SLC18A1: variants seen among roughly 807,000 people sequenced by gnomAD.
SLC18A1 encodes the protein chromaffin granule amine transporter.
SLC18A1 carries 69 observed loss-of-function variants against 53.7 expected under a neutral mutation model. That is an observed-to-expected ratio of 1.28 (90% CI 1.06 to 1.57). SLC18A1 has a LOEUF of 1.57. Among genes scored for constraint, SLC18A1 ranks in the 40% most tolerant of loss-of-function variants. The pLI, the probability that SLC18A1 is intolerant of heterozygous loss-of-function variation, is 0.00. For missense variants in SLC18A1, 932 were observed against 668.1 expected, an observed-to-expected ratio of 1.40 and a Z score of -4.35; for synonymous variants, 320 against 248.1, an observed-to-expected ratio of 1.29 and a Z score of -2.72.
intron 1 of SLC18A1, among the ~76,000 whole-genome samples, 186 bp from the exon 2 acceptor site, chr8:20,181,273 T>C (rs912307363): frequency 6.6e-6 from 1 of 152,200 alleles, no homozygotes; most frequent in Non-Finnish European, 1.5e-5. Flanking sequence ...TTAATTTCCC[T>C]TGAATTTAAT....
At chr8:20,161,978 G>A (rs1351456369) in intron 10 of SLC18A1, among the ~76,000 whole-genome samples, 1 of 152,162 alleles carries the variant, frequency 6.6e-6, no homozygotes, top group African/African-American at 2.4e-5. Context: ...TTAGGTGGAA[G>A]AAGTCATGCA....
intron 2 of SLC18A1, 138 bp downstream of exon 2, chr8:20,180,703 C>T: frequency 9.2e-7 from 1 of 1,085,996 alleles, no homozygotes; most frequent in South Asian, 1.6e-5. Flanking sequence ...TTTTTCCAGT[C>T]CCCAACAACC....
At chr8:20,176,689 A>C (rs999734779) in intron 4 of SLC18A1, among the ~76,000 whole-genome samples, 15 of 152,338 alleles carry the variant, frequency 9.8e-5, no homozygotes, top group African/African-American at 3.6e-4. Context: ...AGGATACCCT[A>C]AACATCAAAT....
At chr8:20,178,576 G>A (rs1044090433) in intron 3 of SLC18A1, 83 bp from the exon 4 acceptor site, 4 of 1,015,004 alleles carry the variant, frequency 3.9e-6, no homozygotes, top group Non-Finnish European at 1.5e-6. Context: ...GTAAGTGGGA[G>A]CAGAAATGCA....
intron 10 of SLC18A1, among the ~76,000 whole-genome samples, chr8:20,162,347 G>A (rs1490484178): frequency 6.6e-6 from 1 of 152,086 alleles, no homozygotes; most frequent in Non-Finnish European, 1.5e-5. Flanking sequence ...ATCACTTTAG[G>A]TTGCTTGGCC....
At chr8:20,182,078 T>G (rs1293627965) in intron 1 of SLC18A1, 3 of 152,220 alleles carry the variant, frequency 2.0e-5, no homozygotes, top group Non-Finnish European at 4.4e-5. Flanking sequence ...AGAATTTCAT[T>G]TTCTTTGACG....
At chr8:20,167,058 T>C (rs1005815793) in intron 8 of SLC18A1, among the ~76,000 whole-genome samples, 1 of 151,868 alleles carries the variant, frequency 6.6e-6, no homozygotes, top group African/African-American at 2.4e-5. Context: ...ACCCAATCTG[T>C]AGTATTTTGT....
At chr8:20,166,278 T>G (rs1373176897) in intron 8 of SLC18A1, among the ~76,000 whole-genome samples, 2 of 95,354 alleles carry the variant, frequency 2.1e-5, no homozygotes, top group Non-Finnish European at 4.2e-5. Flanking sequence ...TGTGTGTGGG[T>G]GTGTGTGTGT....
rs878885459 is a variant in SLC18A1, at chr8:20,149,605, TC to T, written c.1146+70del. 5,918 of 1,227,554 alleles carry T rather than the reference TC, an allele frequency of 4.8e-3. 207 individuals are homozygous for T. In the African/African-American group the frequency reaches 0.081, roughly 17 times the overall value. 76.0% of individuals were successfully genotyped at this position (1,227,554 alleles called of 1,614,324 possible). On this transcript the variant is annotated intron_variant, in intron 12 of 15. Transcript: ENST00000276373. Reference sequence around the variant, plus strand: ...CTCTCTCTCCCTCTCTCTCTCTCTCTCTCTCTCTCTCTGTCTGTCTGTCTCT... The same window carrying T: ...CTCTCTCTCCCTCTCTCTCTCTCTCTTCTCTCTCTCTGTCTGTCTGTCTCT...
At chr8:20,181,184 T>TA in intron 1 of SLC18A1, 97 bp from the exon 2 acceptor site, 1 of 396,598 alleles carries the variant, frequency 2.5e-6, no homozygotes, top group Non-Finnish European at 4.5e-6. Context: ...TAAATCTCAA[T>TA]AACTCTACCT....
Position 20,164,964 on chromosome 8 carries a change from C to A in SLC18A1, c.920G>T (p.Gly307Val). The A allele has an allele frequency of 6.2e-7, 1 of 1,613,882 alleles. No individual in the cohort carries two copies. Among genetic ancestry groups the A allele is most frequent in the Non-Finnish European group, 8.5e-7 (1 of 1,179,860 alleles). Residue 307 changes from glycine (G) to valine (V), a missense_variant and splice_region_variant, in exon 10 of 16, where the codon GGG (glycine) becomes GTG (valine). By Grantham distance (109) the Gly-to-Val change is moderately radical (BLOSUM62 -3). Transcript: ENST00000276373. ...LKDPYILVAAGSICFANMGVA... is the reference protein window; with the variant it reads ...LKDPYILVAAVSICFANMGVA... ...CCCCATGTTGGCAAAGCAGATGGAC[C>A]CTGGGGAGACTGTTCTGTGAGCAGC...
At chr8:20,166,543 T>G (rs1331470394) in intron 8 of SLC18A1, among the ~76,000 whole-genome samples, 1 of 151,276 alleles carries the variant, frequency 6.6e-6, no homozygotes, top group East Asian at 1.9e-4. Flanking sequence ...CAGAAGGCAT[T>G]AAAATTGGTT....
chr8:20,147,696 T>A lies in SLC18A1; in HGVS notation c.1237A>T (p.Ile413Phe). 6.2e-7 allele frequency: 1 copy of A among 1,613,730 alleles called. No homozygotes were observed. The highest frequency in any genetic ancestry group is 8.5e-7 in the Non-Finnish European group (1 of 1,179,906). ...CGTAGATCCACCAGGTGCCCCATGA[T>A]GGGCATCATAGAAGAATCCACCATG... Reference protein sequence around the residue: ...IGMVDSSMMPIMGHLVDLRHT... With the variant: ...IGMVDSSMMPFMGHLVDLRHT... Residue 413 changes from isoleucine (I) to phenylalanine (F), a missense_variant, in exon 14 of 16, where the codon ATC becomes TTC. Transcript: ENST00000276373.
chr8:20,158,948 C>A (rs968129184), intron 10 of SLC18A1, among the ~76,000 whole-genome samples: 2 of 152,108 alleles, frequency 1.3e-5, no homozygotes, highest in Non-Finnish European at 2.9e-5. Context: ...CTCGATGGAA[C>A]CTTGGCCAAA....
chr8:20,169,659 A>G (rs2072060576), intron 8 of SLC18A1, among the ~76,000 whole-genome samples: 1 of 152,174 alleles, frequency 6.6e-6, no homozygotes. Flanking sequence ...CGGATGGATC[A>G]CTTGAGCTCA....
intron 8 of SLC18A1, among the ~76,000 whole-genome samples, chr8:20,165,614 G>A (rs2071938191): frequency 2.0e-5 from 3 of 152,272 alleles, no homozygotes; most frequent in Non-Finnish European, 2.9e-5. Context: ...GGTAGAAGAA[G>A]CAGGGTTAAA....
At chr8:20,146,265 A>G (rs184387596) in intron 15 of SLC18A1, among the ~76,000 whole-genome samples, 1 of 152,008 alleles carries the variant, frequency 6.6e-6, no homozygotes, top group African/African-American at 2.4e-5. Flanking sequence ...TCCTCCCACT[A>G]GTTCTTCCAA....
At chr8:20,181,126 G>C in intron 1 of SLC18A1, 39 bp from the exon 2 acceptor site, 1 of 672,292 alleles carries the variant, frequency 1.5e-6, no homozygotes, top group Non-Finnish European at 2.4e-6. Context: ...CAAGTAGTAG[G>C]ATGATATTTG....
In SLC18A1 at chr8:20,173,269, G is replaced by A. The variant is rs575507751; in HGVS notation, c.632-141C>T. 2.9e-4 allele frequency: 187 copies of A among 651,766 alleles called. No homozygotes were observed. In the East Asian group the frequency reaches 3.1e-3, roughly 11 times the overall value. The allele number at this position is 651,766 out of a possible 1,614,324, so 40.4% of individuals were successfully genotyped here. ...TGAGGGGTTTTACAAAACTTAACCC[G>A]TAGTATTTTTCAAGTACTACCCTCC... On this transcript the variant is annotated intron_variant, in intron 5 of 15. Coordinates refer to ENST00000276373, the MANE Select transcript of SLC18A1 (RefSeq NM_003053.4).
Sources: gnomAD v4.1 joint callset for allele counts (sites outside exome capture counted in the v4.1 genomes callset) on GRCh38, gnomAD v4.1.1 for gene constraint, MANE v1.5 for transcripts, NCBI Gene and HGNC (gene_info 2026-07-23, HGNC 2026-07-21) for gene names.